Variants in OCA2 observed in about 807,000 individuals in gnomAD.
The protein encoded by OCA2 is OCA2 melanosomal transmembrane protein.
In OCA2, 77 loss-of-function variants were observed where a neutral mutation model predicts 100.2. The observed-to-expected ratio is 0.77, with a 90% confidence interval of 0.64 to 0.93. The LOEUF (loss-of-function observed/expected upper bound fraction) is 0.93, where lower values mean the gene tolerates loss of function less well. OCA2 is among the 40% of genes least tolerant of loss of function. The probability of loss-of-function intolerance (pLI) is 0.00; values close to 1 mark genes in which losing one functional copy is unlikely to be tolerated. For synonymous variants in OCA2, 432 were observed against 439.2 expected (o/e 0.98, Z 0.21); for missense variants, 1,062 against 1,089.1 (o/e 0.98, Z 0.35).
intron 2 of OCA2, among the ~76,000 whole-genome samples, chr15:28,073,710 T>G (rs1009956496): frequency 3.9e-5 from 6 of 152,200 alleles, no homozygotes; most frequent in Admixed American, 6.5e-5. Context: ...CATAATATTC[T>G]CATGTAACAA....
intron 18 of OCA2, among the ~76,000 whole-genome samples, chr15:27,945,168 G>A (rs768177575): frequency 2.0e-5 from 3 of 152,178 alleles, no homozygotes; most frequent in Non-Finnish European, 4.4e-5. Flanking sequence ...GAAGCCTTGG[G>A]AATGTCTGTC....
intron 23 of OCA2, among the ~76,000 whole-genome samples, chr15:27,807,036 A>G (rs1236042986): frequency 6.6e-6 from 1 of 151,998 alleles, no homozygotes; most frequent in Non-Finnish European, 1.5e-5. Flanking sequence ...CGTGCTCTGG[A>G]CCGACCGGCC....
intron 22 of OCA2, among the ~76,000 whole-genome samples, chr15:27,846,287 A>G (rs893783991): frequency 3.3e-5 from 5 of 151,994 alleles, no homozygotes; most frequent in South Asian, 2.1e-4. Flanking sequence ...TTGCCAAGCC[A>G]TCTAATGTGG....
chr15:27,726,695 G>A, the OCA2 span, among the ~76,000 whole-genome samples: 3 of 152,196 alleles, frequency 2.0e-5, no homozygotes, highest in African/African-American at 7.2e-5. Flanking sequence ...GAATGGGACA[G>A]GGCATATGTA....
intron 23 of OCA2, among the ~76,000 whole-genome samples, chr15:27,785,587 G>GA (rs2032772594): frequency 2.0e-5 from 3 of 152,178 alleles, no homozygotes; most frequent in African/African-American, 7.2e-5. Context: ...AGAAAGAAAA[G>GA]AAAAGAAGTA....
At chr15:27,772,166 C>A (rs1018848804) in intron 23 of OCA2, among the ~76,000 whole-genome samples, 1 of 152,198 alleles carries the variant, frequency 6.6e-6, no homozygotes, top group African/African-American at 2.4e-5. Context: ...AACTAGCCAA[C>A]CTCTCTGGGC....
chr15:27,794,992 C>A (rs1052618354), intron 23 of OCA2, among the ~76,000 whole-genome samples: 1 of 152,142 alleles, frequency 6.6e-6, no homozygotes, highest in Non-Finnish European at 1.5e-5. Context: ...AGGGCAGACC[C>A]TCACTATAGC....
chr15:28,083,754 T>C (rs1016882051), intron 1 of OCA2, among the ~76,000 whole-genome samples: 28 of 152,308 alleles, frequency 1.8e-4, no homozygotes, highest in African/African-American at 6.3e-4. Context: ...AGAGAGACTA[T>C]GGAAGAAAGG....
rs1322870554 is a variant in OCA2 at position 28,072,482 on chromosome 15, C to T, written c.227+9166G>A. ...GCGGGTGCCTGTAGTCCCAGCTACTCGGAAGGCTGAGGCAGGAGAATGGCG... is the reference window on the plus strand; with the variant it reads ...GCGGGTGCCTGTAGTCCCAGCTACTTGGAAGGCTGAGGCAGGAGAATGGCG... On this transcript the variant is annotated intron_variant, in intron 2 of 23. Coordinates refer to ENST00000354638, the MANE Select transcript of OCA2 (RefSeq NM_000275.3). 2.0e-5 allele frequency among the ~76,000 whole-genome samples: 3 copies of T among 150,300 alleles called. No individual in the cohort carries two copies. In the Admixed American group the frequency reaches 2.0e-4, roughly 10 times the overall value.
chr15:27,848,535 C>A (rs534721895), intron 22 of OCA2, among the ~76,000 whole-genome samples: 3 of 152,212 alleles, frequency 2.0e-5, no homozygotes, highest in African/African-American at 7.2e-5. Flanking sequence ...CGGGCCTGCA[C>A]ATGAACAGCC....
intron 2 of OCA2, among the ~76,000 whole-genome samples, chr15:28,037,073 G>A (rs1173787766): frequency 6.6e-6 from 1 of 152,032 alleles, no homozygotes; most frequent in African/African-American, 2.4e-5. Flanking sequence ...CACCACTCAG[G>A]AAGACCACAG....
chr15:27,829,102 C>T (rs2034844927), intron 23 of OCA2, among the ~76,000 whole-genome samples: 1 of 152,166 alleles, frequency 6.6e-6, no homozygotes, highest in African/African-American at 2.4e-5. Flanking sequence ...GAACGGACAG[C>T]TTCCACTGAC....
chr15:28,065,557 A>C (rs978145616), intron 2 of OCA2, among the ~76,000 whole-genome samples: 1 of 152,120 alleles, frequency 6.6e-6, no homozygotes, highest in African/African-American at 2.4e-5. Context: ...CAGTTTCCAC[A>C]ACTCTTAGTG....
At chr15:27,790,406 A>G (rs1161096654) in intron 23 of OCA2, among the ~76,000 whole-genome samples, 2 of 152,232 alleles carry the variant, frequency 1.3e-5, no homozygotes, top group East Asian at 1.9e-4. Flanking sequence ...ACATCCACAC[A>G]AAGACCTCTG....
chr15:27,899,078 C>T (rs1278456409), intron 19 of OCA2, among the ~76,000 whole-genome samples: 2 of 152,136 alleles, frequency 1.3e-5, no homozygotes, highest in Non-Finnish European at 2.9e-5. Context: ...AATAATTATA[C>T]ACCATGACCA....
chr15:28,072,119 G>A (rs764571099), intron 2 of OCA2, among the ~76,000 whole-genome samples: 1 of 152,224 alleles, frequency 6.6e-6, no homozygotes, highest in East Asian at 1.9e-4. Flanking sequence ...TGTAATCCCA[G>A]CACTTTGGGA....
chr15:28,017,764 G>C (rs1300237899), intron 7 of OCA2, among the ~76,000 whole-genome samples: 1 of 152,008 alleles, frequency 6.6e-6, no homozygotes, highest in African/African-American at 2.4e-5. Context: ...CCATGAACCA[G>C]GGCTACGACT....
intron 14 of OCA2, among the ~76,000 whole-genome samples, chr15:27,973,630 GTTA>G (rs1020552497): frequency 2.0e-5 from 3 of 152,100 alleles, no homozygotes; most frequent in African/African-American, 7.2e-5. Flanking sequence ...CTCTAGATTT[GTTA>G]TTTTTATTTA....
At chr15:27,785,012 A>T (rs11631057) in intron 23 of OCA2, among the ~76,000 whole-genome samples, 42,046 of 152,052 alleles carry the variant, frequency 0.28, 6,873 homozygotes, top group Non-Finnish European at 0.37. Context: ...ATAAATGCCA[A>T]CAAGCAAACA....
Sources: gnomAD v4.1 joint callset for allele counts (sites outside exome capture counted in the v4.1 genomes callset) on GRCh38, gnomAD v4.1.1 for gene constraint, MANE v1.5 for transcripts, NCBI Gene and HGNC (gene_info 2026-07-23, HGNC 2026-07-21) for gene names.